The following CD274 variants were observed in gnomAD, a reference collection of about 807,000 sequenced individuals.
The protein encoded by CD274 is CD274 molecule, also known as programmed cell death 1 ligand 1.
Under a neutral mutation model 30.1 loss-of-function variants are expected in CD274, and 8 were observed. The ratio of observed to expected loss-of-function variants is 0.27; its 90% CI spans 0.16 to 0.48. The LOEUF is 0.48. Ranked by LOEUF, CD274 falls within the 20% of genes least tolerant of loss-of-function variation. CD274 has a pLI of 0.99. For synonymous variants in CD274, 152 were observed against 124.6 expected (o/e 1.22, Z -1.46); for missense variants, 353 against 346.6 (o/e 1.02, Z -0.15).
chr9:5,451,472 C>T (rs947066076), intron 1 of CD274, among the ~76,000 whole-genome samples: 1 of 152,154 alleles, frequency 6.6e-6, no homozygotes. Flanking sequence ...AGTGTAACTA[C>T]TTAGTCAAAG....
intron 1 of CD274, among the ~76,000 whole-genome samples, chr9:5,453,679 A>G (rs1819247495): frequency 6.6e-6 from 1 of 152,264 alleles, no homozygotes; most frequent in Non-Finnish European, 1.5e-5. Flanking sequence ...TATTAAATGT[A>G]TGATAAGGTT....
intron 5 of CD274, among the ~76,000 whole-genome samples, chr9:5,466,101 G>C (rs1415494946): frequency 1.3e-5 from 2 of 152,172 alleles, no homozygotes; most frequent in Non-Finnish European, 2.9e-5. Context: ...AGGAAAATGA[G>C]TATATTCAAA....
chr9:5,453,708 G>C (rs971466685), intron 1 of CD274, among the ~76,000 whole-genome samples: 2 of 152,204 alleles, frequency 1.3e-5, no homozygotes, highest in Non-Finnish European at 2.9e-5. Context: ...CTTTTTAAAA[G>C]ATTACAGGGA....
intron 4 of CD274, among the ~76,000 whole-genome samples, 156 bp from the exon 5 acceptor site, chr9:5,465,343 A>G (rs1404737739): frequency 6.6e-6 from 1 of 152,232 alleles, no homozygotes; most frequent in Non-Finnish European, 1.5e-5. Flanking sequence ...TTCCCATTTT[A>G]ACACAGGTAT....
rs1008313117 is a variant in CD274, at chr9:5,468,622, A to G, written c.*760A>G. On this transcript the variant is annotated 3_prime_UTR_variant, in exon 7 of 7. Transcript: ENST00000381577. ...CTCAGACCTCAAGTGTCTGTGCAGT[A>G]TCTGTTCCATTTAAATATCAGCTTT... 2 of 233,050 alleles carry G rather than the reference A, an allele frequency of 8.6e-6. No homozygotes were observed. The highest frequency in any genetic ancestry group is 1.7e-5 in the Non-Finnish European group (2 of 117,898). 14.4% of individuals were successfully genotyped at this position (233,050 alleles called of 1,614,324 possible).
chr9:5,460,853 G>A (rs1296391330), intron 3 of CD274, among the ~76,000 whole-genome samples: 1 of 152,100 alleles, frequency 6.6e-6, no homozygotes, highest in Non-Finnish European at 1.5e-5. Flanking sequence ...ACATTTGTGT[G>A]TAATTATAAA....
At chr9:5,463,290 ATT>A in intron 4 of CD274, 169 bp downstream of exon 4, 2 of 613,632 alleles carry the variant, frequency 3.3e-6, no homozygotes, top group Middle Eastern at 4.3e-4. Flanking sequence ...TCCAAACCAT[ATT>A]GTTACTTAAT....
chr9:5,463,179 A>G (rs1374544415), intron 4 of CD274, 58 bp downstream of exon 4: 4 of 1,295,882 alleles, frequency 3.1e-6, no homozygotes, highest in African/African-American at 1.5e-5. Context: ...AGCACCTAGC[A>G]TGATGTCTGC....
At chr9:5,460,300 G>T (rs751567659) in intron 3 of CD274, among the ~76,000 whole-genome samples, 18 of 152,138 alleles carry the variant, frequency 1.2e-4, no homozygotes, top group Non-Finnish European at 2.4e-4. Context: ...AAGAGGAGCA[G>T]CTCTGCTACT....
chr9:5,467,895 G>A lies in CD274; in HGVS notation c.*33G>A, dbSNP rs1227393361. On this transcript the variant is annotated 3_prime_UTR_variant, in exon 7 of 7. Coordinates refer to ENST00000381577, the MANE Select transcript of CD274 (RefSeq NM_014143.4). The stretch of plus-strand genomic sequence containing the variant: ...TTGGAACTTCTGATCTTCAAGCAGG[G>A]ATTCTCAACCTGTGGTTTAGGGGTT... The A allele has an allele frequency of 8.1e-6, 13 of 1,595,300 alleles. No individual in the cohort carries two copies. Among genetic ancestry groups the A allele is most frequent in the South Asian group, 7.7e-5 (7 of 90,646 alleles).
chr9:5,459,318 A>G lies in CD274; in HGVS notation c.394+1898A>G, dbSNP rs548672977. Among the ~76,000 whole-genome samples, 3 of 152,268 alleles carry G rather than the reference A, an allele frequency of 2.0e-5. No individual in the cohort carries two copies. In the South Asian group the frequency reaches 6.2e-4, roughly 32 times the overall value. On this transcript the variant is annotated intron_variant, in intron 3 of 6. Transcript: ENST00000381577. ...GTCATTTGCATACAGTGGTTTTGGG[A>G]TTGAGTTCAGCTATACCAAAAGTCT...
In CD274 at chr9:5,457,404, T is replaced by A. The variant is rs1292584601; in HGVS notation, c.378T>A (p.Ile126=). ...ISYGGADYKR[I]TVKVNAPYNK... ...ATGGTGGTGCCGACTACAAGCGAAT[T>A]ACTGTGAAAGTCAATGGTAAGAATT... is the stretch of plus-strand genomic sequence containing the variant. Residue 126 remains isoleucine, a synonymous_variant, in exon 3 of 7, where the codon ATT becomes ATA. Coordinates refer to ENST00000381577, the MANE Select transcript of CD274 (RefSeq NM_014143.4). The A allele has an allele frequency of 1.2e-6, 2 of 1,612,702 alleles. No individual in the cohort carries two copies. The highest frequency in any genetic ancestry group is 2.7e-5 in the African/African-American group (2 of 75,022).
At chr9:5,467,609 G>A (rs1819518780) in intron 6 of CD274, among the ~76,000 whole-genome samples, 1 of 152,182 alleles carries the variant, frequency 6.6e-6, no homozygotes, top group South Asian at 2.1e-4. Flanking sequence ...AGTAGCAAAT[G>A]TTGTTTGGGT....
Position 5,469,451 on chromosome 9 carries a change from T to G in CD274, c.*1589T>G, listed in dbSNP as rs975014112. The G allele has an allele frequency of 8.6e-6, 2 of 231,542 alleles. No homozygotes were observed. Among genetic ancestry groups the G allele is most frequent in the Non-Finnish European group, 8.5e-6 (1 of 117,098 alleles). 14.3% of individuals were successfully genotyped at this position (231,542 alleles called of 1,614,324 possible). A position where few individuals can be genotyped will look rare whatever the true frequency, so the allele number is the denominator to read the frequency against. ...TTTCATTCATATGTTCTTCTAAAGA[T>G]AGTCTACATTTGGAAATGTATGTTA... On this transcript the variant is annotated 3_prime_UTR_variant, in exon 7 of 7. Transcript: ENST00000381577.
chr9:5,466,737 A>G, intron 5 of CD274, 33 bp from the exon 6 acceptor site: 1 of 1,523,756 alleles, frequency 6.6e-7, no homozygotes, highest in Non-Finnish European at 9.1e-7. Flanking sequence ...GAGCTGTGCT[A>G]TATGGAAATA....
intron 2 of CD274, among the ~76,000 whole-genome samples, chr9:5,456,466 AT>A (rs1002263456): frequency 3.9e-5 from 6 of 152,172 alleles, no homozygotes; most frequent in African/African-American, 1.4e-4. Flanking sequence ...GTATACATTT[AT>A]TTGTTTGCTT....
At position 5,468,671 on chromosome 9, in the gene CD274, C is replaced by G. The variant is rs967433470; in HGVS notation, c.*809C>G. 6 of 232,926 alleles carry G rather than the reference C, an allele frequency of 2.6e-5. No individual in the cohort carries two copies. In the South Asian group the frequency reaches 9.0e-4, roughly 35 times the overall value. 14.4% of individuals were successfully genotyped at this position (232,926 alleles called of 1,614,324 possible). On this transcript the variant is annotated 3_prime_UTR_variant, in exon 7 of 7. Coordinates refer to ENST00000381577, the MANE Select transcript of CD274 (RefSeq NM_014143.4). ...TTACAATTATGTGGTAGCCTACACA[C>G]ATAATCTCATTTCATCGCTGTAACC...
chr9:5,466,251 G>A (rs1025392072), intron 5 of CD274, among the ~76,000 whole-genome samples: 1 of 152,240 alleles, frequency 6.6e-6, no homozygotes, highest in East Asian at 1.9e-4. Context: ...TCCAATAGTC[G>A]TTGAAAAATT....
At chr9:5,464,121 G>A (rs546504937) in intron 4 of CD274, among the ~76,000 whole-genome samples, 27 of 152,130 alleles carry the variant, frequency 1.8e-4, no homozygotes, top group Non-Finnish European at 2.8e-4. Context: ...ACAGAAAGAG[G>A]GGGAAAAAAC....
Sources: gnomAD v4.1 joint callset for allele counts (sites outside exome capture counted in the v4.1 genomes callset) on GRCh38, gnomAD v4.1.1 for gene constraint, MANE v1.5 for transcripts, NCBI Gene and HGNC (gene_info 2026-07-23, HGNC 2026-07-21) for gene names.